Variants in BICC1 observed in about 807,000 individuals in gnomAD.
The protein encoded by BICC1 is protein bicaudal C homolog 1.
In BICC1, 43 loss-of-function variants were observed where a neutral mutation model predicts 111.0. The ratio of observed to expected loss-of-function variants is 0.39; its 90% CI spans 0.30 to 0.50. The LOEUF is 0.50. BICC1 is among the 20% of genes least tolerant of loss of function. The pLI is 0.88. For synonymous variants in BICC1, 467 were observed against 434.4 expected, an observed-to-expected ratio of 1.07 and a Z score of -0.93; for missense variants, 1,091 against 1,203.2, an observed-to-expected ratio of 0.91 and a Z score of 1.38.
At chr10:58,632,457 G>A (rs1354639167) in intron 2 of BICC1, among the ~76,000 whole-genome samples, 1 of 152,106 alleles carries the variant, frequency 6.6e-6, no homozygotes, top group Admixed American at 6.5e-5. Context: ...GCACAGAAGT[G>A]CCATCCAGTG....
At chr10:58,673,779 C>T (rs562469442) in intron 2 of BICC1, among the ~76,000 whole-genome samples, 5 of 130,604 alleles carry the variant, frequency 3.8e-5, no homozygotes, top group East Asian at 2.1e-4. Context: ...TGTGCTACCA[C>T]GCCCAGCTTT....
chr10:58,629,967 C>T (rs1314382419), intron 2 of BICC1, among the ~76,000 whole-genome samples: 1 of 152,310 alleles, frequency 6.6e-6, no homozygotes, highest in East Asian at 1.9e-4. Context: ...ATAGCTCCTA[C>T]CTTGCTGCAT....
intron 2 of BICC1, among the ~76,000 whole-genome samples, chr10:58,667,669 C>T (rs748756723): frequency 6.6e-6 from 1 of 152,040 alleles, no homozygotes; most frequent in African/African-American, 2.4e-5. Context: ...GCCTGAACAT[C>T]TATTACCAGT....
intron 3 of BICC1, among the ~76,000 whole-genome samples, chr10:58,765,240 G>C (rs1842425380): frequency 6.6e-6 from 1 of 151,930 alleles, no homozygotes. Flanking sequence ...ATTTTTGGTA[G>C]AGATGGGGTT....
chr10:58,672,859 C>A (rs369556860), intron 2 of BICC1, among the ~76,000 whole-genome samples: 1 of 152,200 alleles, frequency 6.6e-6, no homozygotes, highest in African/African-American at 2.4e-5. Context: ...ATTTGAATTT[C>A]TTGAAACCAG....
At chr10:58,517,008 G>A (rs541344867) in intron 1 of BICC1, among the ~76,000 whole-genome samples, 398 of 152,108 alleles carry the variant, frequency 2.6e-3, no homozygotes, top group Non-Finnish European at 4.5e-3. Context: ...CTTTTTTAAA[G>A]TATTTTTCTT....
chr10:58,821,016 T>C (rs1844237372), intron 20 of BICC1, among the ~76,000 whole-genome samples: 2 of 152,110 alleles, frequency 1.3e-5, no homozygotes, highest in African/African-American at 2.4e-5. Flanking sequence ...AGGAAAATAA[T>C]GTCTGTCTCC....
At chr10:58,704,055 G>T (rs1251572421) in intron 3 of BICC1, among the ~76,000 whole-genome samples, 2 of 152,058 alleles carry the variant, frequency 1.3e-5, no homozygotes, top group Non-Finnish European at 2.9e-5. Flanking sequence ...TTTATTCATT[G>T]GTTTCTTGTC....
chr10:58,702,228 C>T, intron 3 of BICC1, 85 bp downstream of exon 3: 1 of 1,012,042 alleles, frequency 9.9e-7, no homozygotes, highest in South Asian at 1.5e-5. Context: ...GAAAACTAAC[C>T]TTTATTCTTA....
chr10:58,712,634 CTA>C (rs1180703391), intron 3 of BICC1, among the ~76,000 whole-genome samples: 1 of 152,140 alleles, frequency 6.6e-6, no homozygotes, highest in Non-Finnish European at 1.5e-5. Flanking sequence ...GATTTCAACT[CTA>C]TGTCATTGTA....
At chr10:58,745,938 T>C (rs1234750935) in intron 3 of BICC1, among the ~76,000 whole-genome samples, 2 of 152,134 alleles carry the variant, frequency 1.3e-5, no homozygotes, top group African/African-American at 2.4e-5. Flanking sequence ...TAGATATTTG[T>C]ATATTTCTGC....
At chr10:58,522,311 C>G (rs1466405195) in intron 1 of BICC1, among the ~76,000 whole-genome samples, 3 of 151,884 alleles carry the variant, frequency 2.0e-5, no homozygotes, top group African/African-American at 7.3e-5. Context: ...TAAAGCAATA[C>G]ACTCCTTAGC....
chr10:58,823,104 C>T, intron 20 of BICC1: 1 of 401,170 alleles, frequency 2.5e-6, no homozygotes, highest in Non-Finnish European at 3.4e-6. Context: ...AGATTTTTCT[C>T]AGAATATTTT....
In BICC1 at chr10:58,789,805, A is replaced by C; in HGVS notation, c.919A>C (p.Ile307Leu). The change falls in exon 8 of 21, where the codon ATC (isoleucine) becomes CTC (leucine). Residue 307 changes from isoleucine (I) to leucine (L), a missense_variant. Physicochemically the swap from Ile to Leu is conservative, Grantham distance 5. Around this residue, in one of 3 missense-constraint regions of BICC1, gnomAD observed 843 missense variants for 900.8 expected, o/e 0.94. Coordinates refer to ENST00000373886, the MANE Select transcript of BICC1 (RefSeq NM_001080512.3). ...TATGATGGGTCGAAATGGGAGCAAC[A>C]TCAAACATATCATGCAGAGAACAGG... ...LFMMGRNGSN[I>L]KHIMQRTGAQ... 1 of 1,614,174 alleles carries C rather than the reference A, an allele frequency of 6.2e-7. No individual in the cohort carries two copies. Among genetic ancestry groups the C allele is most frequent in the South Asian group, 1.1e-5 (1 of 91,088 alleles).
At chr10:58,558,958 C>T (rs1009735848) in intron 1 of BICC1, among the ~76,000 whole-genome samples, 1 of 152,072 alleles carries the variant, frequency 6.6e-6, no homozygotes, top group Non-Finnish European at 1.5e-5. Flanking sequence ...CCTCCTAATA[C>T]AATCACCTTG....
intron 2 of BICC1, among the ~76,000 whole-genome samples, chr10:58,659,818 A>G (rs1033697366): frequency 6.6e-6 from 1 of 152,206 alleles, no homozygotes; most frequent in African/African-American, 2.4e-5. Flanking sequence ...TTCAGAGAGT[A>G]AAATAAAAAT....
chr10:58,806,314 T>A (rs527443078), intron 15 of BICC1, among the ~76,000 whole-genome samples: 1 of 152,214 alleles, frequency 6.6e-6, no homozygotes, highest in South Asian at 2.1e-4. Context: ...TAAATAAGAT[T>A]TTTTTTTCTT....
At position 58,513,104 on chromosome 10, in the gene BICC1, G is replaced by C; in HGVS notation, c.-40G>C. ...GAGCGGAGGCGGCAGCGCAGGCAGA[G>C]CGGCGGCGGCAGCGGGAGCCCGAGC... On this transcript the variant is annotated 5_prime_UTR_variant, in exon 1 of 21. Coordinates refer to ENST00000373886, the MANE Select transcript of BICC1 (RefSeq NM_001080512.3). 7.4e-7 allele frequency: 1 copy of C among 1,343,486 alleles called. No homozygotes were observed. Among genetic ancestry groups the C allele is most frequent in the Non-Finnish European group, 9.5e-7 (1 of 1,048,816 alleles). 83.2% of individuals were successfully genotyped at this position (1,343,486 alleles called of 1,614,324 possible).
chr10:58,592,593 T>C (rs1325324337), intron 1 of BICC1, among the ~76,000 whole-genome samples: 1 of 151,758 alleles, frequency 6.6e-6, no homozygotes, highest in Admixed American at 6.6e-5. Flanking sequence ...CGGGTGCCTG[T>C]AGTCCCAGCT....
Sources: gnomAD v4.1 joint callset for allele counts (sites outside exome capture counted in the v4.1 genomes callset) on GRCh38, gnomAD v4.1.1 for gene constraint, gnomAD v4.1.1 regional missense constraint, MANE v1.5 for transcripts, NCBI Gene and HGNC (gene_info 2026-07-23, HGNC 2026-07-21) for gene names.